EPB41L1: variants seen among roughly 807,000 people sequenced by gnomAD.
The protein encoded by EPB41L1 is erythrocyte membrane protein band 4.1 like 1.
In EPB41L1, 29 loss-of-function variants were observed where a neutral mutation model predicts 97.8. That is an observed-to-expected ratio of 0.30 (90% CI 0.22 to 0.40). The LOEUF (loss-of-function observed/expected upper bound fraction) is 0.40. Ranked by LOEUF, EPB41L1 falls within the 10% of genes least tolerant of loss-of-function variation. The probability of loss-of-function intolerance (pLI) is 1.00; values close to 1 mark genes in which losing one functional copy is unlikely to be tolerated. For synonymous variants in EPB41L1, 383 were observed against 459.2 expected (o/e 0.83, Z 2.12); for missense variants, 812 against 1,162.3 (o/e 0.70, Z 4.38).
At chr20:36,211,387 C>CAAAACA (rs574779012) in intron 15 of EPB41L1, among the ~76,000 whole-genome samples, 1 of 151,820 alleles carries the variant, frequency 6.6e-6, no homozygotes, top group Non-Finnish European at 1.5e-5. Flanking sequence ...TCTCAAAAAA[C>CAAAACA]AAAACAAAAA....
chr20:36,137,686 G>A (rs770209314), intron 2 of EPB41L1, among the ~76,000 whole-genome samples: 2 of 151,858 alleles, frequency 1.3e-5, no homozygotes, highest in Admixed American at 6.5e-5. Context: ...CACCGTGCCC[G>A]TCTGATTTTG....
chr20:36,145,719 C>G (rs2059807483), intron 2 of EPB41L1, among the ~76,000 whole-genome samples: 1 of 152,214 alleles, frequency 6.6e-6, no homozygotes, highest in Non-Finnish European at 1.5e-5. Flanking sequence ...TACATCTGCA[C>G]CGTCCAGTAT....
rs190248660 is a variant in EPB41L1, at chr20:36,218,555, A to C, written c.2269-321A>C. 2.2e-3 allele frequency among the ~76,000 whole-genome samples: 341 copies of C among 152,330 alleles called. 2 individuals carry two copies. The highest frequency in any genetic ancestry group is 4.2e-3 in the Non-Finnish European group (288 of 68,030). On this transcript the variant is annotated intron_variant, in intron 17 of 21. Coordinates refer to ENST00000338074, the MANE Select transcript of EPB41L1 (RefSeq NM_012156.2). ...TCACATGGCTTGAAGGTGGCAGGGC[A>C]GGACACGAGCCTGAATCTGGCAACT...
At chr20:36,105,993 A>G (rs2058178600) in intron 1 of EPB41L1, among the ~76,000 whole-genome samples, 1 of 152,230 alleles carries the variant, frequency 6.6e-6, no homozygotes, top group South Asian at 2.1e-4. Context: ...GCCTCCAGCT[A>G]AGGTGACCCT....
In EPB41L1 at chr20:36,093,480, C is replaced by T. The variant is rs2057726287; in HGVS notation, c.-65+1868C>T. 6.6e-6 allele frequency among the ~76,000 whole-genome samples: 1 copy of T among 151,564 alleles called. No homozygotes were observed. The highest frequency in any genetic ancestry group is 2.4e-5 in the African/African-American group (1 of 41,244). On this transcript the variant is annotated intron_variant, in intron 1 of 19. Coordinates refer to the EPB41L1 transcript ENST00000202028. The surrounding 1 kb of genome is among the most constrained non-coding windows in gnomAD (Gnocchi z 5.4). ...GCGGTGGGGGCGGCGGTCCAGGCGC[C>T]GCCGCCGCTGGGAGCTGGGCACCTG...
rs1442576856 is a variant in EPB41L1 at position 36,226,270 on chromosome 20, AC to A, written c.2638-3060del. ...AGCCCTGCCCTTTATTAGCTGTGTG[AC>A]CTTTTAGCAAATCATTTAAACTTTT... On this transcript the variant is annotated intron_variant, in intron 21 of 21. Transcript: ENST00000338074. Among the ~76,000 whole-genome samples the A allele has an allele frequency of 5.3e-5, 8 of 152,294 alleles. No individual in the cohort carries two copies. The East Asian group carries it at 1.5e-3, about 29-fold the overall frequency.
Position 36,232,581 on chromosome 20 carries a change from G to A in EPB41L1, c.*3241G>A. On this transcript the variant is annotated 3_prime_UTR_variant, in exon 22 of 22. Coordinates refer to ENST00000338074, the MANE Select transcript of EPB41L1 (RefSeq NM_012156.2). Reference sequence around the variant, plus strand: ...AATCCTGCAAGCACATTCCAAGACTGGCCTGAAACTGCATGAGCAACATCA... The same window carrying A: ...AATCCTGCAAGCACATTCCAAGACTAGCCTGAAACTGCATGAGCAACATCA... The A allele has an allele frequency of 2.5e-6, 1 of 398,974 alleles. No homozygotes were observed. Among genetic ancestry groups the A allele is most frequent in the Non-Finnish European group, 4.4e-6 (1 of 226,066 alleles). The allele number at this position is 398,974 out of a possible 1,614,324, so 24.7% of individuals were successfully genotyped here. A position where few individuals can be genotyped will look rare whatever the true frequency, so the allele number is the denominator to read the frequency against.
At chr20:36,228,571 G>A (rs2064320024) in intron 21 of EPB41L1, among the ~76,000 whole-genome samples, 1 of 152,146 alleles carries the variant, frequency 6.6e-6, no homozygotes. Context: ...AGTAAGACTC[G>A]TCTGTTAAAA....
intron 11 of EPB41L1, among the ~76,000 whole-genome samples, chr20:36,193,387 A>G (rs1226501845): frequency 6.6e-6 from 1 of 152,234 alleles, no homozygotes; most frequent in Admixed American, 6.5e-5. Flanking sequence ...TTGCAAAGTG[A>G]GTGTATATGA....
chr20:36,122,074 G>A (rs1315297275), intron 2 of EPB41L1, among the ~76,000 whole-genome samples: 3 of 152,216 alleles, frequency 2.0e-5, no homozygotes, highest in East Asian at 1.9e-4. Flanking sequence ...CCTTGCTCAC[G>A]GAGTAGGGGA....
At position 36,195,055 on chromosome 20, in the gene EPB41L1, A is replaced by G. The variant is rs145216958; in HGVS notation, c.1450-274A>G. Among the ~76,000 whole-genome samples, 1 of 151,984 alleles carries G rather than the reference A, an allele frequency of 6.6e-6. No homozygotes were observed. The highest frequency in any genetic ancestry group is 1.5e-5 in the Non-Finnish European group (1 of 67,912). ...CTCCCACTGACAGCGAGAGCAGGGA[A>G]CTCCATTCTCACATCCCATCTGCCC... On this transcript the variant is annotated intron_variant, in intron 12 of 21. Coordinates refer to ENST00000338074, the MANE Select transcript of EPB41L1 (RefSeq NM_012156.2). The surrounding 1 kb of genome is among the most constrained non-coding windows in gnomAD (Gnocchi z 4.6).
chr20:36,206,162 C>A lies in EPB41L1; in HGVS notation c.1669-3326C>A, dbSNP rs745654275. On this transcript the variant is annotated intron_variant, in intron 14 of 21. Transcript: ENST00000338074. This position sits in a 1 kb window ranked among gnomAD's most constrained non-coding sequence, Gnocchi z 5.5. ...AGCCCAGGAGGGGCTGCCCTGGCTT[C>A]CGGCCGCACATTGGCAGAAAAGCTC... The A allele has an allele frequency of 1.1e-5, 14 of 1,289,862 alleles. No homozygotes were observed. The South Asian group carries it at 1.6e-4, about 15-fold the overall frequency. 79.9% of individuals were successfully genotyped at this position (1,289,862 alleles called of 1,614,324 possible).
intron 16 of EPB41L1, among the ~76,000 whole-genome samples, chr20:36,213,625 C>T (rs1196587016): frequency 2.6e-5 from 4 of 152,114 alleles, no homozygotes; most frequent in African/African-American, 7.2e-5. Flanking sequence ...TGTTTTCATA[C>T]AGAAAAGTAT....
In EPB41L1 at chr20:36,093,723, G is replaced by A. The variant is rs1174201186; in HGVS notation, c.-65+2111G>A. ...TGTGTGTATGTGTATGCGTGCGCGCGCGTGTGTGGATGTGGGTGTGGGTGC... is the reference window on the plus strand; with the variant it reads ...TGTGTGTATGTGTATGCGTGCGCGCACGTGTGTGGATGTGGGTGTGGGTGC... On this transcript the variant is annotated intron_variant, in intron 1 of 19. Coordinates refer to the EPB41L1 transcript ENST00000202028. The surrounding 1 kb of genome is among the most constrained non-coding windows in gnomAD (Gnocchi z 5.4). Among the ~76,000 whole-genome samples, 1 of 152,086 alleles carries A rather than the reference G, an allele frequency of 6.6e-6. No homozygotes were observed. Among genetic ancestry groups the A allele is most frequent in the Non-Finnish European group, 1.5e-5 (1 of 67,996 alleles).
At chr20:36,199,440 T>C (rs1234790615) in intron 14 of EPB41L1, among the ~76,000 whole-genome samples, 1 of 152,266 alleles carries the variant, frequency 6.6e-6, no homozygotes, top group Non-Finnish European at 1.5e-5. Flanking sequence ...GATGCACCCA[T>C]GATCTAATTA....
At chr20:36,221,038 C>T (rs1283684900) in intron 19 of EPB41L1, among the ~76,000 whole-genome samples, 1 of 152,236 alleles carries the variant, frequency 6.6e-6, no homozygotes, top group East Asian at 1.9e-4. Flanking sequence ...ATGTTGACTT[C>T]TCTGAAAGCT....
At chr20:36,217,173 C>A (rs960971472) in intron 17 of EPB41L1, among the ~76,000 whole-genome samples, 1 of 152,158 alleles carries the variant, frequency 6.6e-6, no homozygotes, top group Admixed American at 6.5e-5. Context: ...GAATTCCTTT[C>A]GAGATCGGAT....
At chr20:36,218,727 G>T in intron 17 of EPB41L1, 149 bp from the exon 18 acceptor site, 1 of 741,838 alleles carries the variant, frequency 1.3e-6, no homozygotes, top group Non-Finnish European at 2.4e-6. Context: ...AGGGATGAAT[G>T]AGGCGGAACT....
intron 19 of EPB41L1, among the ~76,000 whole-genome samples, chr20:36,221,408 G>T (rs2063771642): frequency 6.6e-6 from 1 of 152,242 alleles, no homozygotes; most frequent in South Asian, 2.1e-4. Context: ...GTTAGACTGG[G>T]TGAGGGAGTG....
Sources: gnomAD v4.1 joint callset for allele counts (sites outside exome capture counted in the v4.1 genomes callset) on GRCh38, gnomAD v4.1.1 for gene constraint, Gnocchi (gnomAD v3.1) non-coding constraint, MANE v1.5 for transcripts, NCBI Gene and HGNC (gene_info 2026-07-23, HGNC 2026-07-21) for gene names.